CDC7: variants seen among roughly 807,000 people sequenced by gnomAD.
The protein encoded by CDC7 is cell division cycle 7-related protein kinase.
Under a neutral mutation model 53.5 loss-of-function variants are expected in CDC7, and 34 were observed. The ratio of observed to expected loss-of-function variants is 0.64; its 90% CI spans 0.48 to 0.85. The LOEUF is 0.85. Ranked by LOEUF, CDC7 falls within the 40% of genes least tolerant of loss-of-function variation. The pLI is 0.00. For synonymous variants in CDC7, 211 were observed against 222.8 expected (o/e 0.95, Z 0.47); for missense variants, 594 against 679.7 (o/e 0.87, Z 1.40).
Position 91,508,071 on chromosome 1 carries a change from T to C in CDC7, c.199+134T>C. The C allele has an allele frequency of 5.0e-6, 4 of 792,432 alleles. No individual in the cohort carries two copies. The South Asian group carries it at 6.9e-5, about 14-fold the overall frequency. 49.1% of individuals were successfully genotyped at this position (792,432 alleles called of 1,614,324 possible). ...TTTTAGACTATTAAGACCATAGTTT[T>C]ATTACTAATTATGGTAACAGCTTTT... On this transcript the variant is annotated intron_variant, in intron 3 of 11. Transcript: ENST00000234626.
intron 2 of CDC7, among the ~76,000 whole-genome samples, chr1:91,505,497 C>T (rs957180108): frequency 6.6e-6 from 1 of 152,138 alleles, no homozygotes; most frequent in African/African-American, 2.4e-5. Context: ...TTAAAACCAA[C>T]TTGGATATAT....
chr1:91,515,273 T>G (rs1341496266), intron 9 of CDC7, among the ~76,000 whole-genome samples: 3 of 152,242 alleles, frequency 2.0e-5, no homozygotes, highest in African/African-American at 4.8e-5. Context: ...ACATTTTGAT[T>G]GCTGATGTAG....
chr1:91,525,708 A>G lies in CDC7; in HGVS notation c.*1273A>G, dbSNP rs1668238184. 1 of 151,638 alleles carries G rather than the reference A, an allele frequency of 6.6e-6. No individual in the cohort carries two copies. Among genetic ancestry groups the G allele is most frequent in the Admixed American group, 6.6e-5 (1 of 15,234 alleles). 9.4% of individuals were successfully genotyped at this position (151,638 alleles called of 1,614,324 possible). A position where few individuals can be genotyped will look rare whatever the true frequency, so the allele number is the denominator to read the frequency against. On this transcript the variant is annotated 3_prime_UTR_variant, in exon 12 of 12. Transcript: ENST00000234626. Reference sequence around the variant, plus strand: ...CTGTCTTATGCCATAATCTTAAAAAAAATTTGAATGCTCTTGAATTTGTAT... The same window carrying G: ...CTGTCTTATGCCATAATCTTAAAAAGAATTTGAATGCTCTTGAATTTGTAT...
rs1333773413 is a variant in CDC7, at chr1:91,514,839, T to C, written c.939T>C (p.Thr313=). 1 of 1,607,056 alleles carries C rather than the reference T, an allele frequency of 6.2e-7. No homozygotes were observed. Among genetic ancestry groups the C allele is most frequent in the Admixed American group, 1.7e-5 (1 of 58,750 alleles). Residue 313 remains threonine (T), a synonymous_variant, in exon 9 of 12, where the codon ACT becomes ACC. Transcript: ENST00000234626. ...PAVKLMKQSK[T]VDVLSRKLAT... is the part of the protein sequence containing the mutation. ...TACAGCTCATGAAGCAGTCAAAGACTGTGGATGTACTGTCTAGAAAGTTAG... is the reference window on the plus strand; with the variant it reads ...TACAGCTCATGAAGCAGTCAAAGACCGTGGATGTACTGTCTAGAAAGTTAG...
chr1:91,505,190 G>A (rs754738818), intron 2 of CDC7, among the ~76,000 whole-genome samples: 1 of 152,178 alleles, frequency 6.6e-6, no homozygotes, highest in Non-Finnish European at 1.5e-5. Context: ...CCCTGAAACG[G>A]CAAGTACAAA....
At chr1:91,512,907 C>T (rs13447510) in intron 6 of CDC7, 151 bp from the exon 7 acceptor site, 9,334 of 680,742 alleles carry the variant, frequency 0.014, 116 homozygotes, top group South Asian at 0.042. Context: ...GTCTGGAAAA[C>T]TTATTTTTTT....
At chr1:91,504,366 C>G (rs1202310877) in intron 2 of CDC7, among the ~76,000 whole-genome samples, 1 of 152,154 alleles carries the variant, frequency 6.6e-6, no homozygotes, top group Non-Finnish European at 1.5e-5. Context: ...ATCTTGGCCT[C>G]CCAATGCACT....
At chr1:91,501,344 C>T (rs1351816732) in intron 1 of CDC7, 11 of 219,270 alleles carry the variant, frequency 5.0e-5, no homozygotes, top group Non-Finnish European at 9.1e-5. Context: ...AAACCGCCCC[C>T]GGCGCTCGGC....
chr1:91,502,737 C>T (rs1329123053), intron 2 of CDC7, among the ~76,000 whole-genome samples: 3 of 152,152 alleles, frequency 2.0e-5, no homozygotes, highest in Non-Finnish European at 4.4e-5. Context: ...TTTCCATTCC[C>T]ATTTCCACCA....
chr1:91,513,260 C>A lies in CDC7; in HGVS notation c.775C>A (p.Pro259Thr). 6.2e-7 allele frequency: 1 copy of A among 1,613,364 alleles called. No homozygotes were observed. The highest frequency in any genetic ancestry group is 1.7e-5 in the Admixed American group (1 of 59,980). ...CACCACAAAAGCTTCTGTTAAAAGA[C>A]CCTACACAAATGCACAAATTCAGAT... Reference protein sequence around the residue: ...QSTTKASVKRPYTNAQIQIKQ... With the variant: ...QSTTKASVKRTYTNAQIQIKQ... Residue 259 changes from proline to threonine, a missense_variant, in exon 7 of 12, where the codon CCC (proline) becomes ACC (threonine). By Grantham distance (38) the Pro-to-Thr change is conservative (BLOSUM62 -1). Coordinates refer to ENST00000234626, the MANE Select transcript of CDC7 (RefSeq NM_003503.4).
Position 91,514,924 on chromosome 1 carries a change from G to A in CDC7, c.1024G>A (p.Ala342Thr). Residue 342 changes from alanine (A) to threonine (T), a missense_variant, in exon 9 of 12, where the codon GCC (alanine) becomes ACC (threonine). Transcript: ENST00000234626. ...VMNSAVMRKT[A>T]SSCPASLTCD... ...GAATAGTGCTGTGATGAGGAAAACT[G>A]CCAGTTCTTGCCCAGCTAGCCTGAC... is the stretch of plus-strand genomic sequence containing the variant. 1.2e-6 allele frequency: 2 copies of A among 1,613,858 alleles called. No homozygotes were observed. Among genetic ancestry groups the A allele is most frequent in the Non-Finnish European group, 1.7e-6 (2 of 1,179,820 alleles).
rs928240787 is a variant in CDC7 at position 91,520,289 on chromosome 1, T to G, written c.1330+10T>G. ...GCTGCTAAAACTTTTGGTAAGCAGT[T>G]TTGTATTATAGAACCAAACAAAATG... is the stretch of plus-strand genomic sequence containing the variant. On this transcript the variant is annotated intron_variant, in intron 11 of 11. Coordinates refer to ENST00000234626, the MANE Select transcript of CDC7 (RefSeq NM_003503.4). 3 of 1,575,360 alleles carry G rather than the reference T, an allele frequency of 1.9e-6. No individual in the cohort carries two copies. In the Admixed American group the frequency reaches 5.6e-5, roughly 29 times the overall value.
At chr1:91,521,461 C>T (rs1446793480) in intron 11 of CDC7, among the ~76,000 whole-genome samples, 1 of 152,088 alleles carries the variant, frequency 6.6e-6, no homozygotes, top group Non-Finnish European at 1.5e-5. Context: ...TATGTTTCTA[C>T]AGTAAAGTCA....
At chr1:91,506,289 C>CT (rs1666984222) in intron 2 of CDC7, among the ~76,000 whole-genome samples, 1 of 152,112 alleles carries the variant, frequency 6.6e-6, no homozygotes, top group Non-Finnish European at 1.5e-5. Context: ...CCTGAGCCAC[C>CT]GCCCCAGGCC....
At chr1:91,516,620 G>A (rs1321395416) in intron 10 of CDC7, among the ~76,000 whole-genome samples, 1 of 152,116 alleles carries the variant, frequency 6.6e-6, no homozygotes, top group Non-Finnish European at 1.5e-5. Flanking sequence ...CTTATTCAGG[G>A]TATTTAAGGA....
chr1:91,509,713 G>A (rs1341731977), intron 4 of CDC7, among the ~76,000 whole-genome samples: 1 of 152,028 alleles, frequency 6.6e-6, no homozygotes, highest in African/African-American at 2.4e-5. Flanking sequence ...TGGGTCATTA[G>A]TTCCACCACT....
intron 2 of CDC7, 49 bp from the exon 3 acceptor site, chr1:91,507,804 TA>T: frequency 8.9e-7 from 1 of 1,121,072 alleles, no homozygotes; most frequent in Non-Finnish European, 1.3e-6. Context: ...TAAGAAACTG[TA>T]AAATATACTG....
chr1:91,502,409 A>G (rs1472108391), intron 2 of CDC7, among the ~76,000 whole-genome samples: 3 of 152,218 alleles, frequency 2.0e-5, no homozygotes, highest in African/African-American at 4.8e-5. Context: ...TTTGTTAATA[A>G]TAAATATTTG....
At chr1:91,517,219 G>A (rs867683805) in intron 10 of CDC7, among the ~76,000 whole-genome samples, 7 of 152,308 alleles carry the variant, frequency 4.6e-5, no homozygotes, top group Middle Eastern at 3.4e-3. Flanking sequence ...AGTGACAATG[G>A]TATATCCTAG....
Sources: allele counts gnomAD v4.1 joint callset (sites outside exome capture counted in the v4.1 genomes callset), GRCh38; gene constraint gnomAD v4.1.1; transcripts MANE v1.5; gene names NCBI Gene and HGNC (gene_info 2026-07-23, HGNC 2026-07-21).